Variants in AGBL1 observed in about 807,000 individuals in gnomAD.
The protein encoded by AGBL1 is AGBL carboxypeptidase 1.
A neutral mutation model predicts 118.9 loss-of-function variants in AGBL1; 130 were observed. The ratio of observed to expected loss-of-function variants is 1.09; its 90% confidence interval spans 0.95 to 1.26. The LOEUF is 1.26. AGBL1 is among the 50% of genes most tolerant of loss of function. The pLI, the probability that AGBL1 is intolerant of heterozygous loss-of-function variation, is 0.00. For synonymous variants in AGBL1, 555 were observed against 478.9 expected (o/e 1.16, Z -2.08); for missense variants, 1,584 against 1,298.1 (o/e 1.22, Z -3.38).
intron 21 of AGBL1, among the ~76,000 whole-genome samples, chr15:86,571,626 T>G (rs1280998515): frequency 6.6e-6 from 1 of 152,208 alleles, no homozygotes; most frequent in Non-Finnish European, 1.5e-5. Context: ...AATTCTTCTC[T>G]GCAGCTGGTC....
intron 22 of AGBL1, among the ~76,000 whole-genome samples, chr15:86,876,475 T>C (rs2079809891): frequency 6.6e-6 from 1 of 152,104 alleles, no homozygotes; most frequent in Admixed American, 6.6e-5. Flanking sequence ...AACTGACTCC[T>C]CAGGAACTCC....
At chr15:86,648,658 C>A (rs1480343284) in intron 21 of AGBL1, among the ~76,000 whole-genome samples, 5 of 152,152 alleles carry the variant, frequency 3.3e-5, no homozygotes, top group Non-Finnish European at 7.3e-5. Flanking sequence ...TTGACTTATT[C>A]CTGGGACCTT....
chr15:86,853,138 C>G (rs140082185), intron 22 of AGBL1, among the ~76,000 whole-genome samples: 1 of 152,138 alleles, frequency 6.6e-6, no homozygotes, highest in African/African-American at 2.4e-5. Flanking sequence ...TGACAACTCC[C>G]CAGATGACCA....
intron 3 of AGBL1, among the ~76,000 whole-genome samples, chr15:86,153,364 A>G (rs1289464620): frequency 2.6e-5 from 4 of 152,182 alleles, no homozygotes; most frequent in Non-Finnish European, 5.9e-5. Flanking sequence ...CTTTGCAGGG[A>G]CATGGATGAA....
At chr15:86,979,092 T>A (rs930133669) in intron 23 of AGBL1, among the ~76,000 whole-genome samples, 20 of 152,228 alleles carry the variant, frequency 1.3e-4, no homozygotes, top group African/African-American at 4.8e-4. Context: ...CTTGTAATGC[T>A]TGGTGATGCT....
intron 18 of AGBL1, among the ~76,000 whole-genome samples, chr15:86,438,140 T>C (rs1339884263): frequency 6.6e-6 from 1 of 152,082 alleles, no homozygotes; most frequent in Non-Finnish European, 1.5e-5. Context: ...ACTCCTGACC[T>C]CATGATCCAT....
chr15:86,113,785 A>G (rs1453583274), intron 1 of AGBL1, among the ~76,000 whole-genome samples: 1 of 152,218 alleles, frequency 6.6e-6, no homozygotes, highest in Non-Finnish European at 1.5e-5. Context: ...GCCACTTCCC[A>G]ATAGTACCGT....
intron 22 of AGBL1, among the ~76,000 whole-genome samples, chr15:86,745,046 G>A (rs538142876): frequency 6.6e-6 from 1 of 152,106 alleles, no homozygotes; most frequent in Non-Finnish European, 1.5e-5. Flanking sequence ...CAAGGTAATA[G>A]AGTATGTCTT....
intron 21 of AGBL1, among the ~76,000 whole-genome samples, chr15:86,598,886 G>A (rs1014966575): frequency 6.6e-6 from 1 of 152,168 alleles, no homozygotes; most frequent in Non-Finnish European, 1.5e-5. Flanking sequence ...ATATTAACAA[G>A]AAATCTGAAA....
chr15:86,401,462 G>A (rs1015636290), intron 18 of AGBL1, among the ~76,000 whole-genome samples: 3 of 151,812 alleles, frequency 2.0e-5, no homozygotes, highest in Non-Finnish European at 4.4e-5. Flanking sequence ...GTTTAATTAG[G>A]TCTCTTTTTT....
intron 5 of AGBL1, among the ~76,000 whole-genome samples, chr15:86,211,240 G>A (rs2078092168): frequency 6.6e-6 from 1 of 152,182 alleles, no homozygotes. Context: ...ACCTATATGA[G>A]GTGTCAGTTG....
At chr15:86,647,465 C>G (rs1431475431) in intron 21 of AGBL1, among the ~76,000 whole-genome samples, 1 of 152,196 alleles carries the variant, frequency 6.6e-6, no homozygotes, top group African/African-American at 2.4e-5. Context: ...CTTTGGGAGG[C>G]CAAAGCGGGT....
chr15:86,666,536 G>A (rs7170517), intron 21 of AGBL1, among the ~76,000 whole-genome samples: 65,481 of 151,752 alleles, frequency 0.43, 14,833 homozygotes, highest in Middle Eastern at 0.58. Context: ...TTATTGAATT[G>A]TCTGGGTCTT....
Position 86,615,568 on chromosome 15 carries a change from G to A in AGBL1, c.2995-58705G>A, listed in dbSNP as rs537988599. 6.6e-6 allele frequency among the ~76,000 whole-genome samples: 1 copy of A among 152,302 alleles called. No homozygotes were observed. Among genetic ancestry groups the A allele is most frequent in the Admixed American group, 6.5e-5 (1 of 15,298 alleles). On this transcript the variant is annotated intron_variant, in intron 21 of 22. Coordinates refer to ENST00000614907, the MANE Select transcript of AGBL1 (RefSeq NM_001386094.1). This position sits in a 1 kb window ranked among gnomAD's most constrained non-coding sequence, Gnocchi z 4.3. ...GGCCACACGCCATCCCGGTGGAGAT[G>A]GCACAGTGGAGAAGGCAATAAACCT... is the stretch of plus-strand genomic sequence containing the variant.
intron 1 of AGBL1, among the ~76,000 whole-genome samples, chr15:86,135,468 T>C (rs918055569): frequency 3.3e-5 from 5 of 152,340 alleles, no homozygotes; most frequent in Admixed American, 2.6e-4. Flanking sequence ...AGTTGCTAGA[T>C]TGACAGAAAA....
At chr15:86,699,003 T>A (rs2086310655) in intron 22 of AGBL1, among the ~76,000 whole-genome samples, 1 of 152,074 alleles carries the variant, frequency 6.6e-6, no homozygotes, top group African/African-American at 2.4e-5. Context: ...TCTCTATAAC[T>A]TTCTTTTCAA....
At chr15:86,165,923 T>C (rs2077335087) in intron 5 of AGBL1, among the ~76,000 whole-genome samples, 1 of 152,278 alleles carries the variant, frequency 6.6e-6, no homozygotes, top group Middle Eastern at 3.4e-3. Flanking sequence ...ATGAATAGTT[T>C]CTTACATGAA....
At chr15:86,981,552 C>T (rs940771202) in intron 23 of AGBL1, among the ~76,000 whole-genome samples, 1 of 152,158 alleles carries the variant, frequency 6.6e-6, no homozygotes, top group Non-Finnish European at 1.5e-5. Flanking sequence ...CTCTCCTTGA[C>T]TTGTAAGTGC....
Position 86,450,125 on chromosome 15 carries a change from A to G in AGBL1, c.2555+52579A>G, listed in dbSNP as rs1471846141. On this transcript the variant is annotated intron_variant, in intron 18 of 22. Coordinates refer to ENST00000614907, the MANE Select transcript of AGBL1 (RefSeq NM_001386094.1). ...CCTGTTGAAAATCATGTCTCTATTT[A>G]TCTAGATAAATCGATTGTTGCATAA... is the stretch of plus-strand genomic sequence containing the variant. Among the ~76,000 whole-genome samples the G allele has an allele frequency of 2.6e-5, 4 of 152,244 alleles. No homozygotes were observed. The East Asian group carries it at 7.7e-4, about 29-fold the overall frequency.
Sources: allele counts gnomAD v4.1 joint callset (sites outside exome capture counted in the v4.1 genomes callset), GRCh38; gene constraint gnomAD v4.1.1; non-coding constraint Gnocchi (gnomAD v3.1); transcripts MANE v1.5; gene names NCBI Gene and HGNC (gene_info 2026-07-23, HGNC 2026-07-21).